The following EFNA5 variants were observed in gnomAD, a reference collection of about 807,000 sequenced individuals.
The protein encoded by EFNA5 is ephrin A5.
EFNA5 carries 5 observed loss-of-function variants against 22.9 expected under a neutral mutation model. The ratio of observed to expected loss-of-function variants is 0.22; its 90% CI spans 0.11 to 0.46. EFNA5 has a LOEUF of 0.46. EFNA5 is among the 20% of genes least tolerant of loss of function. The pLI, the probability that EFNA5 is intolerant of heterozygous loss-of-function variation, is 0.99. For synonymous variants in EFNA5, 113 were observed against 112.2 expected (o/e 1.01, Z -0.04); for missense variants, 237 against 293.3 (o/e 0.81, Z 1.40).
At chr5:107,431,302 T>G (rs1048341579) in intron 1 of EFNA5, among the ~76,000 whole-genome samples, 1 of 152,222 alleles carries the variant, frequency 6.6e-6, no homozygotes, top group Admixed American at 6.5e-5. Flanking sequence ...GGATCACATA[T>G]GCTAATCCTA....
chr5:107,412,635 G>T lies in EFNA5; in HGVS notation c.418+14582C>A, dbSNP rs1489115004. On this transcript the variant is annotated intron_variant, in intron 2 of 4. Transcript: ENST00000333274. ...GGTGCACAAAACCTGCCAACAGACA[G>T]GCAATTTTCTAGTTAGCCCTTGAAA... Among the ~76,000 whole-genome samples the T allele has an allele frequency of 2.6e-5, 4 of 152,252 alleles. No homozygotes were observed. In the East Asian group the frequency reaches 7.7e-4, roughly 29 times the overall value.
chr5:107,443,817 T>C (rs1749325046), intron 1 of EFNA5, among the ~76,000 whole-genome samples: 2 of 152,182 alleles, frequency 1.3e-5, no homozygotes, highest in Admixed American at 1.3e-4. Context: ...CCATGGCACA[T>C]GTATACGTAT....
rs115098008 is a variant in EFNA5 at position 107,574,135 on chromosome 5, C to T, written c.125+96354G>A. Among the ~76,000 whole-genome samples, 1,184 of 152,282 alleles carry T rather than the reference C, an allele frequency of 7.8e-3. 14 individuals are homozygous for T. Among genetic ancestry groups the T allele is most frequent in the African/African-American group, 0.025 (1,052 of 41,564 alleles). On this transcript the variant is annotated intron_variant, in intron 1 of 4. Transcript: ENST00000333274. ...GTATGGGGATAAGTATGATAACTAT[C>T]AATTGGTTTTCTTATTGAATTTAAG... is the stretch of plus-strand genomic sequence containing the variant.
intron 1 of EFNA5, among the ~76,000 whole-genome samples, chr5:107,657,882 GAGTAATC>G (rs1366734571): frequency 1.3e-5 from 2 of 152,040 alleles, no homozygotes; most frequent in Non-Finnish European, 2.9e-5. Flanking sequence ...AAAAAACGCA[GAGTAATC>G]TTCTGAATTT....
At chr5:107,408,465 G>T (rs1748278323) in intron 2 of EFNA5, among the ~76,000 whole-genome samples, 1 of 152,044 alleles carries the variant, frequency 6.6e-6, no homozygotes, top group Non-Finnish European at 1.5e-5. Flanking sequence ...TTTTGTAAAT[G>T]GAATAATCAC....
At chr5:107,606,032 C>T (rs1372971558) in intron 1 of EFNA5, among the ~76,000 whole-genome samples, 1 of 152,216 alleles carries the variant, frequency 6.6e-6, no homozygotes, top group Non-Finnish European at 1.5e-5. Flanking sequence ...GTGGACTACA[C>T]TTGTGAATAG....
At chr5:107,456,292 T>G (rs1463225704) in intron 1 of EFNA5, among the ~76,000 whole-genome samples, 1 of 152,140 alleles carries the variant, frequency 6.6e-6, no homozygotes, top group Non-Finnish European at 1.5e-5. Context: ...CAGCTCTCTC[T>G]TTTAACATGC....
intron 1 of EFNA5, among the ~76,000 whole-genome samples, chr5:107,454,443 A>C (rs1017652637): frequency 1.3e-5 from 2 of 152,254 alleles, no homozygotes; most frequent in African/African-American, 2.4e-5. Context: ...CATCATTTGA[A>C]GCTTTACTTT....
chr5:107,572,271 G>A (rs1246911533), intron 1 of EFNA5, among the ~76,000 whole-genome samples: 2 of 152,072 alleles, frequency 1.3e-5, no homozygotes, highest in Non-Finnish European at 2.9e-5. Context: ...TTAGACCGGG[G>A]GAAGGAGAAA....
rs778970290 is a variant in EFNA5 at position 107,495,447 on chromosome 5, C to T, written c.126-67938G>A. Reference sequence around the variant, plus strand: ...AGACGCGCCACCTTAAGAGCTGTAACGCTCATCGCGAGGGTCCGCGGCCTC... The same window carrying T: ...AGACGCGCCACCTTAAGAGCTGTAATGCTCATCGCGAGGGTCCGCGGCCTC... On this transcript the variant is annotated intron_variant, in intron 1 of 4. Transcript: ENST00000333274. Among the ~76,000 whole-genome samples the T allele has an allele frequency of 7.2e-5, 11 of 152,348 alleles. No individual in the cohort carries two copies. The East Asian group carries it at 1.7e-3, about 24-fold the overall frequency.
rs561802357 is a variant in EFNA5 at position 107,447,861 on chromosome 5, C to G, written c.126-20352G>C. Among the ~76,000 whole-genome samples, 21 of 151,938 alleles carry G rather than the reference C, an allele frequency of 1.4e-4. No homozygotes were observed. In the East Asian group the frequency reaches 3.7e-3, roughly 27 times the overall value. On this transcript the variant is annotated intron_variant, in intron 1 of 4. Coordinates refer to ENST00000333274, the MANE Select transcript of EFNA5 (RefSeq NM_001962.3). ...TTTTTTTTTTTCTTTTTATTTCCCCCCTCTGAGATGGAGTCTGGTTCTGTT... is the reference window on the plus strand; with the variant it reads ...TTTTTTTTTTTCTTTTTATTTCCCCGCTCTGAGATGGAGTCTGGTTCTGTT...
intron 1 of EFNA5, among the ~76,000 whole-genome samples, chr5:107,654,444 T>G (rs919988635): frequency 6.6e-6 from 1 of 152,116 alleles, no homozygotes; most frequent in African/African-American, 2.4e-5. Flanking sequence ...TACTAAAGAT[T>G]TGTTAGATAC....
intron 4 of EFNA5, 68 bp from the exon 5 acceptor site, chr5:107,381,444 G>A: frequency 2.6e-6 from 4 of 1,530,176 alleles, no homozygotes; most frequent in Non-Finnish European, 3.5e-6. Flanking sequence ...GCAGCAGCCT[G>A]CTGTTAACAG....
intron 1 of EFNA5, among the ~76,000 whole-genome samples, chr5:107,665,948 A>G (rs913380454): frequency 1.3e-5 from 2 of 152,246 alleles, no homozygotes; most frequent in Non-Finnish European, 2.9e-5. Flanking sequence ...TCTAAATTTC[A>G]GAGTAACAAA....
intron 1 of EFNA5, among the ~76,000 whole-genome samples, chr5:107,667,295 A>G (rs1352413358): frequency 6.6e-6 from 1 of 152,138 alleles, no homozygotes; most frequent in Admixed American, 6.5e-5. Flanking sequence ...ACTAAAAGTT[A>G]TCAGCATTTG....
At chr5:107,444,139 C>T (rs1749333397) in intron 1 of EFNA5, among the ~76,000 whole-genome samples, 2 of 152,158 alleles carry the variant, frequency 1.3e-5, no homozygotes. Flanking sequence ...ACAGTTTCCG[C>T]AATGCTCAAT....
chr5:107,621,287 C>T (rs895429159), intron 1 of EFNA5, among the ~76,000 whole-genome samples: 3 of 152,114 alleles, frequency 2.0e-5, no homozygotes, highest in Non-Finnish European at 4.4e-5. Context: ...GTTGGGAAGC[C>T]GGCTTCTGCT....
intron 2 of EFNA5, among the ~76,000 whole-genome samples, chr5:107,401,171 C>T (rs1002987776): frequency 6.6e-6 from 1 of 152,140 alleles, no homozygotes; most frequent in African/African-American, 2.4e-5. Flanking sequence ...TATCCATTAG[C>T]CATGATAGTA....
chr5:107,661,144 GAA>G (rs35310160), intron 1 of EFNA5, among the ~76,000 whole-genome samples: 1 of 144,036 alleles, frequency 6.9e-6, no homozygotes, highest in Non-Finnish European at 1.5e-5. Context: ...AGAAGAAGAA[GAA>G]AAAAAAAGTA....
Sources: allele counts gnomAD v4.1 joint callset (sites outside exome capture counted in the v4.1 genomes callset), GRCh38; gene constraint gnomAD v4.1.1; transcripts MANE v1.5; gene names NCBI Gene and HGNC (gene_info 2026-07-23, HGNC 2026-07-21).